Variants in PIP5K1A observed in about 807,000 individuals in gnomAD.
PIP5K1A encodes the protein phosphatidylinositol-4-phosphate 5-kinase type 1 alpha, also known as phosphatidylinositol 4-phosphate 5-kinase type-1 alpha.
A neutral mutation model predicts 72.9 loss-of-function variants in PIP5K1A; 46 were observed. The ratio of observed to expected loss-of-function variants is 0.63; its 90% CI spans 0.50 to 0.81. The LOEUF is 0.81. Ranked by LOEUF, PIP5K1A falls within the 30% of genes least tolerant of loss-of-function variation. The pLI, the probability that PIP5K1A is intolerant of heterozygous loss-of-function variation, is 0.00. For synonymous variants in PIP5K1A, 228 were observed against 255.1 expected (o/e 0.89, Z 1.01); for missense variants, 458 against 706.1 (o/e 0.65, Z 3.98).
Position 151,224,387 on chromosome 1 carries a change from A to C in PIP5K1A, c.137A>C (p.Gln46Pro). 6.2e-7 allele frequency: 1 copy of C among 1,605,998 alleles called. No homozygotes were observed. The highest frequency in any genetic ancestry group is 8.5e-7 in the Non-Finnish European group (1 of 1,172,922). ...TCTACTTAGGTCTTGGAAGCTAGAC[A>C]GGATTCTTACATCTCATTGGTAGGC... Reference protein sequence around the residue: ...PMASEVLEARQDSYISLVPYA... With the variant: ...PMASEVLEARPDSYISLVPYA... Residue 46 changes from glutamine (Q) to proline (P), a missense_variant, in exon 3 of 16, where the codon CAG becomes CCG. Physicochemically the swap from Gln to Pro is moderately conservative, Grantham distance 76 (BLOSUM62 -1). Coordinates refer to ENST00000368888, the MANE Select transcript of PIP5K1A (RefSeq NM_001135638.2).
intron 1 of PIP5K1A, among the ~76,000 whole-genome samples, chr1:151,220,975 C>T (rs1226924023): frequency 6.6e-6 from 1 of 152,168 alleles, no homozygotes; most frequent in Non-Finnish European, 1.5e-5. Flanking sequence ...ATTGTCACAT[C>T]TATAAAATTA....
chr1:151,236,821 C>CTTTTTTTTT lies in PIP5K1A; in HGVS notation c.1145+72_1145+80dup, dbSNP rs369523470. On this transcript the variant is annotated intron_variant, in intron 9 of 15. Coordinates refer to ENST00000368888, the MANE Select transcript of PIP5K1A (RefSeq NM_001135638.2). ...CATAGGCCCACAGCACTTTTCTTTT[C>CTTTTTTTTT]TTTTTTTTTTTTTTTTTTTTTTAGT... The CTTTTTTTTT allele has an allele frequency of 1.4e-4, 71 of 498,786 alleles. 1 individual carries two copies. The highest frequency in any genetic ancestry group is 1.9e-4 in the South Asian group (8 of 41,188). 30.9% of individuals were successfully genotyped at this position (498,786 alleles called of 1,614,324 possible).
At chr1:151,200,258 G>A (rs1278232628) in intron 1 of PIP5K1A, among the ~76,000 whole-genome samples, 1 of 151,934 alleles carries the variant, frequency 6.6e-6, no homozygotes, top group Non-Finnish European at 1.5e-5. Flanking sequence ...GAATGCTTAC[G>A]CTGTATCAGG....
intron 8 of PIP5K1A, 81 bp from the exon 9 acceptor site, chr1:151,236,477 A>G: frequency 1.8e-6 from 2 of 1,142,200 alleles, no homozygotes; most frequent in Non-Finnish European, 2.5e-6. Context: ...CCCTTTCTCA[A>G]AAAAACAAAA....
chr1:151,234,240 G>A lies in PIP5K1A; in HGVS notation c.683G>A (p.Gly228Glu). 1 of 1,613,978 alleles carries A rather than the reference G, an allele frequency of 6.2e-7. No homozygotes were observed. Among genetic ancestry groups the A allele is most frequent in the South Asian group, 1.1e-5 (1 of 91,072 alleles). ...CGGACTTTGCTGCCTAAATTCTATG[G>A]ACTGTACTGTGTGCAGGCAGGTGGC... The part of the protein sequence containing the change: ...NPRTLLPKFY[G>E]LYCVQAGGKN... The change falls in exon 8 of 16, where the codon GGA (glycine) becomes GAA (glutamate). Residue 228 changes from glycine (G) to glutamate (E), a missense_variant. Gly to Glu is a moderately conservative substitution (Grantham distance 98). Transcript: ENST00000368888.
chr1:151,239,207 C>T (rs771298727), intron 11 of PIP5K1A, 29 bp downstream of exon 11: 2 of 1,442,336 alleles, frequency 1.4e-6, no homozygotes, highest in South Asian at 2.3e-5. Flanking sequence ...GGCTCTCTTA[C>T]CGTACACTTC....
At chr1:151,217,971 T>A (rs1687879978) in intron 1 of PIP5K1A, among the ~76,000 whole-genome samples, 1 of 152,142 alleles carries the variant, frequency 6.6e-6, no homozygotes, top group South Asian at 2.1e-4. Context: ...AGATGAGGTT[T>A]CACCATGTTG....
intron 3 of PIP5K1A, 61 bp from the exon 4 acceptor site, chr1:151,227,259 T>C: frequency 1.1e-6 from 1 of 937,554 alleles, no homozygotes; most frequent in Non-Finnish European, 1.7e-6. Flanking sequence ...TGATGTACCA[T>C]TGTGGTAGCT....
intron 4 of PIP5K1A, among the ~76,000 whole-genome samples, chr1:151,227,868 G>A (rs1258053557): frequency 1.3e-5 from 2 of 152,132 alleles, no homozygotes; most frequent in Non-Finnish European, 2.9e-5. Flanking sequence ...TAGCCTTGGT[G>A]ACAGAACAAG....
intron 1 of PIP5K1A, among the ~76,000 whole-genome samples, chr1:151,207,770 TC>T (rs1213303646): frequency 1.3e-5 from 2 of 151,830 alleles, no homozygotes; most frequent in East Asian, 1.9e-4. Flanking sequence ...GACCTCGTGA[TC>T]TGCCTGCATC....
In PIP5K1A at chr1:151,213,184, C is replaced by T. The variant is rs1162552534; in HGVS notation, c.86-11061C>T. Among the ~76,000 whole-genome samples the T allele has an allele frequency of 5.9e-5, 9 of 152,248 alleles. 1 individual carries two copies. In the South Asian group the frequency reaches 8.3e-4, roughly 14 times the overall value. ...GATTACAGGTGTGAGCAACCGCGCCCGGCCTGCCTTTTTTTAAAAAATAAA... is the reference window on the plus strand; with the variant it reads ...GATTACAGGTGTGAGCAACCGCGCCTGGCCTGCCTTTTTTTAAAAAATAAA... On this transcript the variant is annotated intron_variant, in intron 1 of 15. Coordinates refer to ENST00000368888, the MANE Select transcript of PIP5K1A (RefSeq NM_001135638.2).
chr1:151,216,981 C>T (rs1030008286), intron 1 of PIP5K1A, among the ~76,000 whole-genome samples: 6 of 137,998 alleles, frequency 4.3e-5, no homozygotes, highest in Non-Finnish European at 1.5e-5. Context: ...GCTGTGATCT[C>T]AGCTTACTGC....
intron 1 of PIP5K1A, among the ~76,000 whole-genome samples, chr1:151,209,012 G>A (rs1224319197): frequency 2.7e-5 from 4 of 150,878 alleles, no homozygotes; most frequent in Non-Finnish European, 5.9e-5. Context: ...GATTACAGGC[G>A]TGAGCCACTG....
chr1:151,227,893 G>GA lies in PIP5K1A; in HGVS notation c.237+502dup, dbSNP rs201095547. Among the ~76,000 whole-genome samples, 189 of 151,104 alleles carry GA rather than the reference G, an allele frequency of 1.3e-3. 4 individuals carry two copies. In the East Asian group the frequency reaches 0.033, roughly 26 times the overall value. ...GACAGAACAAGACTCCATCTCAAAA[G>GA]AAAAAAAAATTAGTGAACAAATCTG... On this transcript the variant is annotated intron_variant, in intron 4 of 15. Transcript: ENST00000368888.
At chr1:151,230,221 T>C (rs934975044) in intron 4 of PIP5K1A, among the ~76,000 whole-genome samples, 13 of 152,240 alleles carry the variant, frequency 8.5e-5, no homozygotes, top group Admixed American at 3.9e-4. Context: ...TCTGCAGTGA[T>C]TGAAATGTGC....
At chr1:151,241,233 G>A (rs960024724) in intron 12 of PIP5K1A, among the ~76,000 whole-genome samples, 1 of 152,090 alleles carries the variant, frequency 6.6e-6, no homozygotes, top group Non-Finnish European at 1.5e-5. Context: ...CAAGCGCAGT[G>A]TCTCACACCA....
At chr1:151,206,527 A>G (rs1293484174) in intron 1 of PIP5K1A, among the ~76,000 whole-genome samples, 1 of 152,010 alleles carries the variant, frequency 6.6e-6, no homozygotes, top group East Asian at 1.9e-4. Context: ...GTTTGTTTTT[A>G]GGATATTTAA....
chr1:151,221,170 T>C (rs1688347026), intron 1 of PIP5K1A, among the ~76,000 whole-genome samples: 1 of 152,190 alleles, frequency 6.6e-6, no homozygotes, highest in South Asian at 2.1e-4. Flanking sequence ...GATATATTTG[T>C]AGGCTTCCAA....
chr1:151,210,611 G>A (rs1218855130), intron 1 of PIP5K1A, among the ~76,000 whole-genome samples: 1 of 152,080 alleles, frequency 6.6e-6, no homozygotes, highest in Admixed American at 6.6e-5. Flanking sequence ...TTGAGATGGA[G>A]TCTCGCTCTG....
Sources: allele counts gnomAD v4.1 joint callset (sites outside exome capture counted in the v4.1 genomes callset), GRCh38; gene constraint gnomAD v4.1.1; transcripts MANE v1.5; gene names NCBI Gene and HGNC (gene_info 2026-07-23, HGNC 2026-07-21).